SDK1: variants seen among roughly 807,000 people sequenced by gnomAD.
SDK1 encodes sidekick cell adhesion molecule 1.
A neutral mutation model predicts 245.5 loss-of-function variants in SDK1; 157 were observed. That is an observed-to-expected ratio of 0.64 (90% CI 0.56 to 0.73). The LOEUF is 0.73. Among genes scored for constraint, SDK1 ranks in the 30% least tolerant of loss-of-function variants. The probability of loss-of-function intolerance (pLI) is 0.00; values close to 1 mark genes in which losing one functional copy is unlikely to be tolerated. For synonymous variants in SDK1, 1,647 were observed against 1,278.5 expected, an observed-to-expected ratio of 1.29 and a Z score of -6.15; for missense variants, 3,583 against 3,002.3, an observed-to-expected ratio of 1.19 and a Z score of -4.52.
At chr7:3,310,059 C>T (rs1779514164) in intron 1 of SDK1, among the ~76,000 whole-genome samples, 1 of 152,220 alleles carries the variant, frequency 6.6e-6, no homozygotes, top group Admixed American at 6.5e-5. Context: ...ACTAGAGCCA[C>T]ATGCTCAAAA....
At chr7:3,592,956 G>A (rs1338581842) in intron 1 of SDK1, among the ~76,000 whole-genome samples, 1 of 152,186 alleles carries the variant, frequency 6.6e-6, no homozygotes, top group Non-Finnish European at 1.5e-5. Context: ...AGGGCATTGG[G>A]CAGCTGGGAC....
At chr7:3,868,895 G>A (rs1010265873) in intron 5 of SDK1, among the ~76,000 whole-genome samples, 2 of 152,142 alleles carry the variant, frequency 1.3e-5, no homozygotes, top group Non-Finnish European at 1.5e-5. Context: ...ATTCTGAGCT[G>A]AATAAATGAT....
chr7:3,641,989 GA>G lies in SDK1; in HGVS notation c.601del (p.Thr201GlnfsTer10). 1 of 1,614,040 alleles carries G rather than the reference GA, an allele frequency of 6.2e-7. No homozygotes were observed. The highest frequency in any genetic ancestry group is 8.5e-7 in the Non-Finnish European group (1 of 1,179,958). On this transcript the variant is annotated frameshift_variant, in exon 4 of 45. Coordinates refer to ENST00000404826, the MANE Select transcript of SDK1 (RefSeq NM_152744.4). LOFTEE classifies it high-confidence loss of function. ...MGSFMDTDQRKTVSQGRAAIL... is the reference protein window; with the variant it reads ...MGSFMDTDQRXTVSQGRAAIL... ...GAAGTTTCATGGATACGGACCAGAG[GA>G]AAACAGTTTCTCAAGGACGTGCAGC...
intron 1 of SDK1, among the ~76,000 whole-genome samples, chr7:3,432,162 T>C (rs1266563821): frequency 6.7e-6 from 1 of 148,548 alleles, no homozygotes; most frequent in Non-Finnish European, 1.5e-5. Context: ...AATATATATT[T>C]TTATATATAT....
intron 25 of SDK1, 116 bp downstream of exon 25, chr7:4,114,390 G>T: frequency 2.5e-6 from 2 of 786,114 alleles, no homozygotes. Flanking sequence ...ACTTGTGTCT[G>T]TCTTGGAGCT....
chr7:3,623,467 C>G (rs1328446659), intron 2 of SDK1, among the ~76,000 whole-genome samples: 1 of 152,040 alleles, frequency 6.6e-6, no homozygotes, highest in Non-Finnish European at 1.5e-5. Flanking sequence ...TCTCACACTC[C>G]TGACCTCAAG....
At chr7:3,807,368 T>C (rs1779277774) in intron 4 of SDK1, among the ~76,000 whole-genome samples, 1 of 152,188 alleles carries the variant, frequency 6.6e-6, no homozygotes, top group East Asian at 1.9e-4. Flanking sequence ...GGCTCCCTCT[T>C]GAGACCCAGC....
intron 4 of SDK1, among the ~76,000 whole-genome samples, chr7:3,717,822 A>G (rs1785245744): frequency 6.6e-6 from 1 of 152,178 alleles, no homozygotes; most frequent in African/African-American, 2.4e-5. Flanking sequence ...GACTTGAGAA[A>G]TTTGCCACAC....
At chr7:3,639,383 C>T (rs1453223394) in intron 3 of SDK1, among the ~76,000 whole-genome samples, 5 of 152,148 alleles carry the variant, frequency 3.3e-5, no homozygotes, top group African/African-American at 1.2e-4. Context: ...GGGGTGCCTT[C>T]TGTTTTAGGA....
intron 17 of SDK1, among the ~76,000 whole-genome samples, chr7:4,029,111 C>T (rs528580763): frequency 1.9e-5 from 2 of 104,342 alleles, no homozygotes; most frequent in Admixed American, 1.3e-4. Context: ...GGGTGGGGGT[C>T]ACTGAATTGA....
intron 1 of SDK1, among the ~76,000 whole-genome samples, chr7:3,586,510 AC>A (rs1423878060): frequency 6.6e-6 from 1 of 151,398 alleles, no homozygotes; most frequent in Non-Finnish European, 1.5e-5. Flanking sequence ...ATCCTGGCTA[AC>A]ACCGTGAAAC....
chr7:3,411,854 A>G (rs1779217382), intron 1 of SDK1, among the ~76,000 whole-genome samples: 1 of 152,172 alleles, frequency 6.6e-6, no homozygotes, highest in Non-Finnish European at 1.5e-5. Flanking sequence ...GACTTTGTTC[A>G]CTAGGTATGA....
chr7:3,402,965 G>A (rs557631097), intron 1 of SDK1, among the ~76,000 whole-genome samples: 1 of 151,638 alleles, frequency 6.6e-6, no homozygotes, highest in Non-Finnish European at 1.5e-5. Flanking sequence ...TTCTTTTTTT[G>A]AGACAGAGTT....
chr7:4,083,558 CT>C (rs1781207103), intron 22 of SDK1, among the ~76,000 whole-genome samples: 3 of 119,102 alleles, frequency 2.5e-5, no homozygotes, highest in Non-Finnish European at 5.0e-5. Context: ...CCCTCCCTCC[CT>C]TCCTTCCTTT....
At chr7:3,531,906 C>G (rs1416241616) in intron 1 of SDK1, among the ~76,000 whole-genome samples, 1 of 152,088 alleles carries the variant, frequency 6.6e-6, no homozygotes, top group African/African-American at 2.4e-5. Flanking sequence ...AAACTTGATT[C>G]ATTTATTTGT....
chr7:4,136,224 C>G lies in SDK1; in HGVS notation c.4228+3801C>G, dbSNP rs1013321718. ...GCAGCATTGGCTTGTAATTGTAATGCATGTTGTCCGGGTAACCTGTCACCC... is the reference window on the plus strand; with the variant it reads ...GCAGCATTGGCTTGTAATTGTAATGGATGTTGTCCGGGTAACCTGTCACCC... On this transcript the variant is annotated intron_variant, in intron 28 of 44. Coordinates refer to ENST00000404826, the MANE Select transcript of SDK1 (RefSeq NM_152744.4). 5.9e-5 allele frequency among the ~76,000 whole-genome samples: 9 copies of G among 152,316 alleles called. No individual in the cohort carries two copies. The East Asian group carries it at 1.7e-3, about 29-fold the overall frequency.
chr7:4,160,176 C>CTATA (rs1462029186), intron 31 of SDK1, among the ~76,000 whole-genome samples: 1 of 152,210 alleles, frequency 6.6e-6, no homozygotes, highest in Non-Finnish European at 1.5e-5. Flanking sequence ...AAAACAAAAA[C>CTATA]TATATAAATG....
chr7:4,195,918 C>T (rs530365621), intron 35 of SDK1, among the ~76,000 whole-genome samples: 1 of 152,136 alleles, frequency 6.6e-6, no homozygotes, highest in Non-Finnish European at 1.5e-5. Context: ...ATGACAGAAA[C>T]CCCAGCCTCA....
At chr7:3,653,652 C>A (rs1008002237) in intron 4 of SDK1, among the ~76,000 whole-genome samples, 35 of 152,130 alleles carry the variant, frequency 2.3e-4, no homozygotes, top group African/African-American at 8.5e-4. Context: ...AAACGCATCC[C>A]AATCACATGG....
Sources: gnomAD v4.1 joint callset for allele counts (sites outside exome capture counted in the v4.1 genomes callset) on GRCh38, gnomAD v4.1.1 for gene constraint, MANE v1.5 for transcripts, NCBI Gene and HGNC (gene_info 2026-07-23, HGNC 2026-07-21) for gene names.